The following TBC1D22B variants were observed in gnomAD, a reference collection of about 807,000 sequenced individuals.
TBC1D22B encodes TBC1 domain family member 22B.
A neutral mutation model predicts 69.1 loss-of-function variants in TBC1D22B; 32 were observed. The observed-to-expected ratio is 0.46, with a 90% CI of 0.35 to 0.62. TBC1D22B has a LOEUF of 0.62. Ranked by LOEUF, TBC1D22B falls within the 20% of genes least tolerant of loss-of-function variation. TBC1D22B has a pLI of 0.00. For synonymous variants in TBC1D22B, 206 were observed against 229.8 expected, an observed-to-expected ratio of 0.90 and a Z score of 0.94; for missense variants, 462 against 630.9, an observed-to-expected ratio of 0.73 and a Z score of 2.87.
intron 12 of TBC1D22B, among the ~76,000 whole-genome samples, chr6:37,327,282 T>C (rs1160682540): frequency 7.2e-6 from 1 of 139,092 alleles, no homozygotes; most frequent in African/African-American, 2.9e-5. Flanking sequence ...ATCGAGACCA[T>C]CCTGGCTAAC....
chr6:37,316,890 C>T (rs1768100165), intron 11 of TBC1D22B, 60 bp downstream of exon 11: 2 of 1,609,040 alleles, frequency 1.2e-6, no homozygotes, highest in East Asian at 4.5e-5. Flanking sequence ...CAGCTCTCTG[C>T]CATGTTGTGG....
At chr6:37,303,349 G>C (rs1403998542) in intron 8 of TBC1D22B, among the ~76,000 whole-genome samples, 1 of 152,172 alleles carries the variant, frequency 6.6e-6, no homozygotes, top group African/African-American at 2.4e-5. Flanking sequence ...AGTCAGAAAT[G>C]CTAAGAATTG....
chr6:37,269,765 T>C (rs1339251848), intron 2 of TBC1D22B, 115 bp downstream of exon 2: 15 of 962,578 alleles, frequency 1.6e-5, no homozygotes, highest in Non-Finnish European at 1.6e-5. Context: ...TTCTGCCCTA[T>C]TTTGGACCAG....
chr6:37,293,081 A>T (rs199539347), intron 8 of TBC1D22B, among the ~76,000 whole-genome samples: 5,853 of 143,666 alleles, frequency 0.041, 368 homozygotes, highest in African/African-American at 0.15. Flanking sequence ...TATTATTATT[A>T]TTATTTTTTT....
chr6:37,296,392 C>G (rs1767371578), intron 8 of TBC1D22B, among the ~76,000 whole-genome samples: 1 of 152,198 alleles, frequency 6.6e-6, no homozygotes, highest in East Asian at 1.9e-4. Flanking sequence ...CTCTGTCACC[C>G]AGGCTGGAGT....
chr6:37,331,144 C>A lies in TBC1D22B; in HGVS notation c.1490C>A (p.Ala497Asp). 6.2e-7 allele frequency: 1 copy of A among 1,614,116 alleles called. No homozygotes were observed. The highest frequency in any genetic ancestry group is 2.2e-5 in the East Asian group (1 of 44,890). The change falls in exon 13 of 13, where the codon GCC becomes GAC. Residue 497 changes from alanine (A) to aspartate (D), a missense_variant. By Grantham distance (126) the Ala-to-Asp change is moderately radical. This residue lies in a region of TBC1D22B where 225 missense variants were observed against 375.4 expected (regional missense o/e 0.60). Transcript: ENST00000373491. Reference sequence around the variant, plus strand: ...GCATACAGACTCAAGTACATGTTTGCCGATGCCCCAAATCACTACCGCCGA... The same window carrying A: ...GCATACAGACTCAAGTACATGTTTGACGATGCCCCAAATCACTACCGCCGA... The part of the protein sequence containing the change: ...AEAYRLKYMF[A>D]DAPNHYRR
chr6:37,277,966 A>T (rs77922348), intron 2 of TBC1D22B, among the ~76,000 whole-genome samples: 7 of 133,876 alleles, frequency 5.2e-5, no homozygotes, highest in South Asian at 4.5e-4. Context: ...CTTATCTCTC[A>T]AAAAAAAAAA....
intron 12 of TBC1D22B, 61 bp from the exon 13 acceptor site, chr6:37,330,983 G>T: frequency 6.3e-7 from 1 of 1,596,532 alleles, no homozygotes; most frequent in Non-Finnish European, 8.6e-7. Flanking sequence ...TCTAAGAATG[G>T]GTTCACTTGT....
intron 3 of TBC1D22B, among the ~76,000 whole-genome samples, chr6:37,280,020 C>T (rs993607279): frequency 2.0e-5 from 3 of 152,212 alleles, no homozygotes; most frequent in Admixed American, 6.5e-5. Flanking sequence ...GTTTGACTTT[C>T]TCAGCCCTAG....
At position 37,316,783 on chromosome 6, in the gene TBC1D22B, C is replaced by T. The variant is rs1768095816; in HGVS notation, c.1246C>T (p.Arg416Trp). 6 of 1,614,080 alleles carry T rather than the reference C, an allele frequency of 3.7e-6. No homozygotes were observed. The highest frequency in any genetic ancestry group is 5.1e-6 in the Non-Finnish European group (6 of 1,180,034). ...CCGCTGGATGAACAACCTGCTTATGCGGGAGCTTCCTCTTCGCTGCACCAT... is the reference window on the plus strand; with the variant it reads ...CCGCTGGATGAACAACCTGCTTATGTGGGAGCTTCCTCTTCGCTGCACCAT... Reference protein sequence around the residue: ...AFRWMNNLLMRELPLRCTIRL... With the variant: ...AFRWMNNLLMWELPLRCTIRL... The change falls in exon 11 of 13, where the codon CGG becomes TGG. Residue 416 changes from arginine (R) to tryptophan (W), a missense_variant. By Grantham distance (101) the Arg-to-Trp change is moderately radical. Around this residue, in one of 2 missense-constraint regions of TBC1D22B, gnomAD observed 225 missense variants for 375.4 expected, o/e 0.60. Transcript: ENST00000373491.
chr6:37,313,168 CCTT>C, intron 9 of TBC1D22B, 144 bp downstream of exon 9: 2 of 702,294 alleles, frequency 2.8e-6, no homozygotes, highest in Admixed American at 2.0e-5. Context: ...CCATCTCTAT[CCTT>C]CTTCATTGGC....
chr6:37,270,452 A>AAAAAAT (rs1005525432), intron 2 of TBC1D22B, among the ~76,000 whole-genome samples: 1 of 152,180 alleles, frequency 6.6e-6, no homozygotes, highest in Non-Finnish European at 1.5e-5. Flanking sequence ...TGCCGTCTCA[A>AAAAAAT]AAAAATAAAA....
chr6:37,301,971 A>G (rs1767585666), intron 8 of TBC1D22B, among the ~76,000 whole-genome samples: 1 of 152,156 alleles, frequency 6.6e-6, no homozygotes, highest in African/African-American at 2.4e-5. Flanking sequence ...ATCATAGCAT[A>G]GGGGATCTGC....
chr6:37,272,696 T>C (rs956919657), intron 2 of TBC1D22B, among the ~76,000 whole-genome samples: 3 of 152,152 alleles, frequency 2.0e-5, no homozygotes, highest in Non-Finnish European at 2.9e-5. Context: ...CTGTTAGCTC[T>C]TAAGGGGAGC....
chr6:37,278,841 G>T (rs1421133947), intron 2 of TBC1D22B, among the ~76,000 whole-genome samples: 6 of 152,052 alleles, frequency 3.9e-5, no homozygotes, highest in African/African-American at 1.4e-4. Flanking sequence ...GCTGTGGTGG[G>T]AGGATCACTT....
chr6:37,278,258 A>G (rs2113733654), intron 2 of TBC1D22B, among the ~76,000 whole-genome samples: 1 of 152,348 alleles, frequency 6.6e-6, no homozygotes, highest in East Asian at 1.9e-4. Flanking sequence ...CCTAGTTAGA[A>G]AATGGTCTTA....
chr6:37,281,199 C>G (rs1766815940), intron 3 of TBC1D22B, among the ~76,000 whole-genome samples: 1 of 152,172 alleles, frequency 6.6e-6, no homozygotes, highest in African/African-American at 2.4e-5. Flanking sequence ...TTTTTCACTT[C>G]TCACTTGCAA....
chr6:37,300,642 A>G (rs1767537535), intron 8 of TBC1D22B, among the ~76,000 whole-genome samples: 1 of 152,120 alleles, frequency 6.6e-6, no homozygotes, highest in African/African-American at 2.4e-5. Flanking sequence ...GATTACAGGC[A>G]TGAGCCACCG....
rs780710906 is a variant in TBC1D22B at position 37,279,619 on chromosome 6, C to T, written c.421+8C>T. On this transcript the variant is annotated splice_region_variant and intron_variant, in intron 3 of 12. Transcript: ENST00000373491. ...AGCTGTCCAGAAACTCTAGTAAGTC[C>T]TTCCTGCTCCCTTCATAGCCTCAGC... is the stretch of plus-strand genomic sequence containing the variant. 6 of 1,596,832 alleles carry T rather than the reference C, an allele frequency of 3.8e-6. No homozygotes were observed. In the African/African-American group the frequency reaches 4.0e-5, roughly 11 times the overall value.
Sources: allele counts gnomAD v4.1 joint callset (sites outside exome capture counted in the v4.1 genomes callset), GRCh38; gene constraint gnomAD v4.1.1; regional missense constraint gnomAD v4.1.1; transcripts MANE v1.5; gene names NCBI Gene and HGNC (gene_info 2026-07-23, HGNC 2026-07-21).